The following CPA6 variants were observed in gnomAD, a reference collection of about 807,000 sequenced individuals.
CPA6 encodes carboxypeptidase A6.
Under a neutral mutation model 63.3 loss-of-function variants are expected in CPA6, and 58 were observed. That is an observed-to-expected ratio of 0.92 (90% CI 0.74 to 1.14). The LOEUF (loss-of-function observed/expected upper bound fraction) is 1.14, where lower values mean the gene tolerates loss of function less well. Among genes scored for constraint, CPA6 ranks in the 50% most tolerant of loss-of-function variants. The pLI, the probability that CPA6 is intolerant of heterozygous loss-of-function variation, is 0.00. For missense variants in CPA6, 565 were observed against 526.6 expected (o/e 1.07, Z -0.71); for synonymous variants, 185 against 179.0 (o/e 1.03, Z -0.27).
At chr8:67,463,005 AATTAT>A (rs1810847521) in intron 8 of CPA6, among the ~76,000 whole-genome samples, 1 of 152,218 alleles carries the variant, frequency 6.6e-6, no homozygotes, top group Admixed American at 6.5e-5. Flanking sequence ...TTTACATTTA[AATTAT>A]ATTTATCTCT....
At chr8:67,487,237 A>T (rs933617359) in intron 6 of CPA6, among the ~76,000 whole-genome samples, 8 of 151,966 alleles carry the variant, frequency 5.3e-5, no homozygotes, top group African/African-American at 1.7e-4. Context: ...CCAGTGTGTG[A>T]TGTTCCCCAC....
At chr8:67,528,081 C>T (rs1812402749) in intron 2 of CPA6, among the ~76,000 whole-genome samples, 1 of 152,214 alleles carries the variant, frequency 6.6e-6, no homozygotes, top group African/African-American at 2.4e-5. Context: ...TGCAGAATTT[C>T]AGCCATTGAG....
At chr8:67,502,543 C>A (rs1200952149) in intron 6 of CPA6, among the ~76,000 whole-genome samples, 2 of 152,046 alleles carry the variant, frequency 1.3e-5, no homozygotes, top group East Asian at 1.9e-4. Flanking sequence ...GGTTTATTTT[C>A]TATTTTTCTA....
At chr8:67,676,287 C>A (rs902394720) in intron 1 of CPA6, among the ~76,000 whole-genome samples, 3 of 152,198 alleles carry the variant, frequency 2.0e-5, no homozygotes, top group South Asian at 4.1e-4. Context: ...CAAGTGGCAT[C>A]CAACAGAGCC....
chr8:67,552,373 G>A (rs1014831471), intron 2 of CPA6, among the ~76,000 whole-genome samples: 2 of 152,140 alleles, frequency 1.3e-5, no homozygotes, highest in Non-Finnish European at 2.9e-5. Flanking sequence ...TTACCTTCAT[G>A]GCTTTTAGCA....
intron 1 of CPA6, among the ~76,000 whole-genome samples, chr8:67,672,295 G>T (rs139800565): frequency 9.9e-5 from 15 of 152,088 alleles, no homozygotes; most frequent in African/African-American, 3.6e-4. Flanking sequence ...TCATAGTTTT[G>T]TCTTTGAACT....
intron 2 of CPA6, among the ~76,000 whole-genome samples, chr8:67,567,811 G>A (rs1417875196): frequency 6.6e-6 from 1 of 152,152 alleles, no homozygotes; most frequent in East Asian, 1.9e-4. Context: ...ACAGAACCAG[G>A]GAAGTGGACA....
At chr8:67,583,413 A>G (rs1186470233) in intron 2 of CPA6, among the ~76,000 whole-genome samples, 1 of 152,156 alleles carries the variant, frequency 6.6e-6, no homozygotes, top group African/African-American at 2.4e-5. Context: ...GGTCTTCGGT[A>G]TAGATTTTTC....
intron 5 of CPA6, among the ~76,000 whole-genome samples, chr8:67,508,077 A>G (rs1487391559): frequency 1.3e-5 from 2 of 150,278 alleles, no homozygotes; most frequent in Non-Finnish European, 3.0e-5. Flanking sequence ...TTGAGGGCTC[A>G]TATTGGCAGC....
At chr8:67,592,603 G>C (rs1265328231) in intron 2 of CPA6, among the ~76,000 whole-genome samples, 1 of 151,514 alleles carries the variant, frequency 6.6e-6, no homozygotes, top group Non-Finnish European at 1.5e-5. Flanking sequence ...ACTTCTTCCT[G>C]GTTTAGTCTT....
chr8:67,736,974 G>A (rs548638864), intron 1 of CPA6, among the ~76,000 whole-genome samples: 50 of 152,028 alleles, frequency 3.3e-4, no homozygotes, highest in Non-Finnish European at 5.4e-4. Context: ...CATTAACCAG[G>A]CCCTACCTCG....
intron 3 of CPA6, 47 bp downstream of exon 3, chr8:67,517,876 C>T (rs1299678435): frequency 6.5e-7 from 1 of 1,527,532 alleles, no homozygotes; most frequent in Admixed American, 2.1e-5. Flanking sequence ...CCATTTGGTT[C>T]AGTTTAGTAC....
rs546467906 is a variant in CPA6 at position 67,513,965 on chromosome 8, A to T, written c.318-2310T>A. Among the ~76,000 whole-genome samples the T allele has an allele frequency of 1.9e-3, 272 of 145,374 alleles. 1 individual carries two copies. The highest frequency in any genetic ancestry group is 6.3e-3 in the African/African-American group (252 of 39,984). ...GGGAGGGACCCTCAAAACATAGAAA[A>T]TTTTTTTTTTTTTTGAGGAGTCTTG... is the stretch of plus-strand genomic sequence containing the variant. On this transcript the variant is annotated intron_variant, in intron 3 of 10. Coordinates refer to ENST00000297770, the MANE Select transcript of CPA6 (RefSeq NM_020361.5).
At chr8:67,449,193 A>G (rs1350938469) in intron 8 of CPA6, among the ~76,000 whole-genome samples, 1 of 152,072 alleles carries the variant, frequency 6.6e-6, no homozygotes, top group Non-Finnish European at 1.5e-5. Context: ...CAGAGGTTGC[A>G]ATGAGCCAAG....
chr8:67,594,623 A>C (rs1169335909), intron 2 of CPA6, among the ~76,000 whole-genome samples: 1 of 151,788 alleles, frequency 6.6e-6, no homozygotes, highest in Non-Finnish European at 1.5e-5. Context: ...TTCTTGCTTC[A>C]TTTATTTCAT....
At chr8:67,443,359 C>T (rs535478626) in intron 8 of CPA6, among the ~76,000 whole-genome samples, 2 of 152,258 alleles carry the variant, frequency 1.3e-5, no homozygotes, top group South Asian at 4.2e-4. Flanking sequence ...TGCTCCCGGG[C>T]CCTGTCCTGC....
chr8:67,554,178 G>C (rs1274341469), intron 2 of CPA6, among the ~76,000 whole-genome samples: 2 of 152,144 alleles, frequency 1.3e-5, no homozygotes, highest in Non-Finnish European at 2.9e-5. Context: ...ACCTGAGACT[G>C]GGTAATTTAT....
intron 9 of CPA6, among the ~76,000 whole-genome samples, chr8:67,433,493 C>T (rs1236723059): frequency 6.6e-6 from 1 of 152,156 alleles, no homozygotes; most frequent in Non-Finnish European, 1.5e-5. Context: ...ACTAACTTGT[C>T]AGATACATAC....
At chr8:67,674,648 C>T (rs937445687) in intron 1 of CPA6, among the ~76,000 whole-genome samples, 7 of 152,254 alleles carry the variant, frequency 4.6e-5, no homozygotes, top group South Asian at 2.1e-4. Context: ...AGCTATCCTT[C>T]GACCCAGAAA....
Sources: allele counts gnomAD v4.1 joint callset (sites outside exome capture counted in the v4.1 genomes callset), GRCh38; gene constraint gnomAD v4.1.1; transcripts MANE v1.5; gene names NCBI Gene and HGNC (gene_info 2026-07-23, HGNC 2026-07-21).